The following ACTR3C variants were observed in gnomAD, a reference collection of about 807,000 sequenced individuals.
The protein encoded by ACTR3C is actin-related protein 3C.
A neutral mutation model predicts 26.3 loss-of-function variants in ACTR3C; 18 were observed. The observed-to-expected ratio is 0.68, with a 90% CI of 0.47 to 1.01. ACTR3C has a LOEUF of 1.01. Ranked by LOEUF, ACTR3C falls within the 50% of genes least tolerant of loss-of-function variation. The pLI, the probability that ACTR3C is intolerant of heterozygous loss-of-function variation, is 0.00. For synonymous variants in ACTR3C, 55 were observed against 94.5 expected (o/e 0.58, Z 2.42); for missense variants, 184 against 250.7 (o/e 0.73, Z 1.80).
chr7:150,105,727 A>G, the ACTR3C span, among the ~76,000 whole-genome samples: 2 of 152,188 alleles, frequency 1.3e-5, no homozygotes, highest in African/African-American at 4.8e-5. Context: ...AGACAAACTC[A>G]AAGTAAATAA....
the ACTR3C span, among the ~76,000 whole-genome samples, chr7:150,102,961 A>G: frequency 6.6e-6 from 1 of 152,094 alleles, no homozygotes; most frequent in East Asian, 1.9e-4. Flanking sequence ...TGGATGTTTG[A>G]TAAATGCATT....
At chr7:149,970,376 G>T in the ACTR3C span, among the ~76,000 whole-genome samples, 1 of 151,896 alleles carries the variant, frequency 6.6e-6, no homozygotes, top group Admixed American at 6.6e-5. Context: ...GCAAAATCCT[G>T]TGGACATGTT....
At chr7:150,266,974 T>C (rs1417018577) in intron 6 of ACTR3C, among the ~76,000 whole-genome samples, 1 of 152,236 alleles carries the variant, frequency 6.6e-6, no homozygotes, top group African/African-American at 2.4e-5. Flanking sequence ...ACACAGCAAC[T>C]GCACTCCTGG....
chr7:150,235,919 A>C, the ACTR3C span, among the ~76,000 whole-genome samples: 2 of 151,864 alleles, frequency 1.3e-5, no homozygotes, highest in East Asian at 3.9e-4. Context: ...TGCTTTTACT[A>C]TCTTTCAGTA....
the ACTR3C span, among the ~76,000 whole-genome samples, chr7:150,093,513 C>T: frequency 6.6e-6 from 1 of 150,980 alleles, no homozygotes; most frequent in Non-Finnish European, 1.5e-5. Context: ...GTTTCCTCTG[C>T]AGTCATCTGG....
At chr7:150,117,849 G>T in the ACTR3C span, among the ~76,000 whole-genome samples, 2 of 152,194 alleles carry the variant, frequency 1.3e-5, no homozygotes, top group East Asian at 3.9e-4. Flanking sequence ...ACTGGCATCT[G>T]GTGGGTGCCC....
the ACTR3C span, among the ~76,000 whole-genome samples, chr7:149,990,084 T>C: frequency 6.6e-6 from 1 of 151,634 alleles, no homozygotes; most frequent in Non-Finnish European, 1.5e-5. Context: ...CCCACACGGG[T>C]CTCAATTTTT....
intron 4 of ACTR3C, among the ~76,000 whole-genome samples, 172 bp downstream of exon 4, chr7:150,289,278 G>A (rs1466404927): frequency 6.6e-6 from 1 of 151,748 alleles, no homozygotes; most frequent in African/African-American, 2.4e-5. Context: ...TAGTTTGGAA[G>A]AGGTTAAGCT....
At chr7:150,035,852 G>T in the ACTR3C span, among the ~76,000 whole-genome samples, 1 of 133,426 alleles carries the variant, frequency 7.5e-6, no homozygotes, top group Non-Finnish European at 1.7e-5. Flanking sequence ...CTCCCCCCCT[G>T]CGATGGGGGT....
chr7:149,923,217 A>ATT, the ACTR3C span, among the ~76,000 whole-genome samples: 1 of 151,628 alleles, frequency 6.6e-6, no homozygotes, highest in Non-Finnish European at 1.5e-5. Context: ...TTAAATACAT[A>ATT]TATATGTAAA....
the ACTR3C span, among the ~76,000 whole-genome samples, chr7:150,237,434 C>A: frequency 3.0e-3 from 456 of 152,126 alleles, 3 homozygotes; most frequent in African/African-American, 0.011. Flanking sequence ...CAGATAAATA[C>A]CCCAGCCCTC....
chr7:150,274,459 C>T lies in ACTR3C; in HGVS notation c.564+10294G>A, dbSNP rs1267799613. On this transcript the variant is annotated intron_variant, in intron 6 of 7. Transcript: ENST00000683684. The surrounding 1 kb of genome is among the most constrained non-coding windows in gnomAD (Gnocchi z 4.1). ...ATAGCCTTCATGTGCACCAGGAAAC[C>T]AAAAAATGTGTGTGGCTCACTTCAT... Among the ~76,000 whole-genome samples, 2 of 152,060 alleles carry T rather than the reference C, an allele frequency of 1.3e-5. No individual in the cohort carries two copies. Among genetic ancestry groups the T allele is most frequent in the East Asian group, 3.8e-4 (2 of 5,202 alleles).
chr7:150,287,491 T>C (rs1268101675), intron 4 of ACTR3C, among the ~76,000 whole-genome samples: 3 of 151,840 alleles, frequency 2.0e-5, no homozygotes, highest in Non-Finnish European at 4.4e-5. Context: ...TTTGTGTTGA[T>C]ATGTGTCCTT....
the ACTR3C span, among the ~76,000 whole-genome samples, chr7:150,225,004 AGTGTGTGTGTGTGTGT>A: frequency 4.4e-5 from 6 of 136,188 alleles, no homozygotes; most frequent in South Asian, 5.0e-4. Context: ...CACCCCCATT[AGTGTGTGTGTGTGTGT>A]GTGTGTGTGT....
chr7:150,015,010 A>G, the ACTR3C span, among the ~76,000 whole-genome samples: 1 of 152,224 alleles, frequency 6.6e-6, no homozygotes, highest in African/African-American at 2.4e-5. Context: ...ATAACAAAAC[A>G]ACCCCTATGA....
At chr7:150,223,474 G>T in the ACTR3C span, among the ~76,000 whole-genome samples, 1 of 142,042 alleles carries the variant, frequency 7.0e-6, no homozygotes, top group South Asian at 2.2e-4. Context: ...TAGATGCAGG[G>T]TTTTTTTGTT....
chr7:150,017,724 G>A, the ACTR3C span, among the ~76,000 whole-genome samples: 1 of 149,420 alleles, frequency 6.7e-6, no homozygotes, highest in Non-Finnish European at 1.5e-5. Flanking sequence ...CCACCTCAAA[G>A]GGGCCATGCT....
chr7:150,129,721 A>G, the ACTR3C span, among the ~76,000 whole-genome samples: 678 of 152,274 alleles, frequency 4.5e-3, 6 homozygotes, highest in African/African-American at 0.015. Context: ...AAAGAGATCT[A>G]CACTCAAATA....
chr7:149,918,721 A>G, the ACTR3C span, among the ~76,000 whole-genome samples: 2 of 152,244 alleles, frequency 1.3e-5, no homozygotes, highest in African/African-American at 4.8e-5. Context: ...AATTTAAAGC[A>G]ATATTAAACC....
Sources: allele counts gnomAD v4.1 joint callset (sites outside exome capture counted in the v4.1 genomes callset), GRCh38; gene constraint gnomAD v4.1.1; non-coding constraint Gnocchi (gnomAD v3.1); transcripts MANE v1.5; gene names NCBI Gene and HGNC (gene_info 2026-07-23, HGNC 2026-07-21).